The following KTN1 variants were observed in gnomAD, a reference collection of about 807,000 sequenced individuals.
KTN1 encodes kinectin 1, also known as kinectin.
A neutral mutation model predicts 222.5 loss-of-function variants in KTN1; 130 were observed. The observed-to-expected ratio is 0.58, with a 90% confidence interval of 0.51 to 0.68. The LOEUF (loss-of-function observed/expected upper bound fraction) is 0.68. Ranked by LOEUF, KTN1 falls within the 30% of genes least tolerant of loss-of-function variation. The pLI is 0.00. For synonymous variants in KTN1, 512 were observed against 496.3 expected, an observed-to-expected ratio of 1.03 and a Z score of -0.42; for missense variants, 1,508 against 1,500.4, an observed-to-expected ratio of 1.01 and a Z score of -0.08.
intron 40 of KTN1, 191 bp downstream of exon 40, chr14:55,673,446 T>C (rs780851158): frequency 5.0e-6 from 2 of 397,546 alleles, no homozygotes; most frequent in Non-Finnish European, 9.0e-6. Flanking sequence ...AAATGATCCT[T>C]CTTTTCTTAG....
intron 43 of KTN1, chr14:55,680,616 C>T (rs757020214): frequency 9.5e-6 from 8 of 838,598 alleles, no homozygotes; most frequent in Non-Finnish European, 1.3e-5. Flanking sequence ...TCAGGGAGAG[C>T]TTAGGTATCC....
intron 25 of KTN1, among the ~76,000 whole-genome samples, chr14:55,652,277 T>C (rs2042995331): frequency 6.6e-6 from 1 of 152,120 alleles, no homozygotes. Flanking sequence ...AACAAGGTGA[T>C]ACAGGGTAGA....
chr14:55,644,509 C>T (rs2042102847), intron 18 of KTN1: 1 of 626,194 alleles, frequency 1.6e-6, no homozygotes. Context: ...TGCAGATGGT[C>T]AGATAATGCA....
chr14:55,630,172 T>G, intron 7 of KTN1, 75 bp downstream of exon 7: 1 of 1,294,104 alleles, frequency 7.7e-7, no homozygotes. Flanking sequence ...GTGGCTAGTA[T>G]GTACAAGGCC....
Position 55,603,476 on chromosome 14 carries a change from C to T in KTN1, c.-30-8543C>T, listed in dbSNP as rs148966874. 2.6e-3 allele frequency among the ~76,000 whole-genome samples: 401 copies of T among 152,200 alleles called. 2 individuals carry two copies. The highest frequency in any genetic ancestry group is 9.0e-3 in the African/African-American group (375 of 41,516). On this transcript the variant is annotated intron_variant, in intron 1 of 43. Coordinates refer to ENST00000395314, the MANE Select transcript of KTN1 (RefSeq NM_001079521.2). ...CCAACCCCATTTGACAAAATTGGTC[C>T]GTCTCTCCTCCTTAATAGACTTTAT...
chr14:55,628,441 T>C (rs958891392), intron 6 of KTN1, among the ~76,000 whole-genome samples: 3 of 152,224 alleles, frequency 2.0e-5, no homozygotes, highest in African/African-American at 7.2e-5. Flanking sequence ...TATAATTTTT[T>C]GTCAAGTTCT....
chr14:55,642,321 A>G (rs1305004354), intron 18 of KTN1, among the ~76,000 whole-genome samples: 1 of 152,110 alleles, frequency 6.6e-6, no homozygotes, highest in Non-Finnish European at 1.5e-5. Context: ...TAGAGTATTT[A>G]TTTTATCCAT....
chr14:55,680,795 C>T, intron 43 of KTN1: 1 of 944,612 alleles, frequency 1.1e-6, no homozygotes. Context: ...CATTCTTCAA[C>T]ATATCAACAA....
At chr14:55,652,990 A>G (rs2043096719) in intron 26 of KTN1, 27 bp from the exon 27 acceptor site, 6 of 1,587,146 alleles carry the variant, frequency 3.8e-6, no homozygotes, top group Middle Eastern at 1.7e-4. Context: ...TTGACTATCA[A>G]TTTAATTTAC....
intron 5 of KTN1, among the ~76,000 whole-genome samples, chr14:55,623,306 G>A (rs2039392799): frequency 6.6e-6 from 1 of 152,264 alleles, no homozygotes; most frequent in African/African-American, 2.4e-5. Flanking sequence ...AAGGTAATCA[G>A]TAAATATGAT....
At chr14:55,628,575 C>T (rs1394578068) in intron 6 of KTN1, among the ~76,000 whole-genome samples, 1 of 152,028 alleles carries the variant, frequency 6.6e-6, no homozygotes, top group Non-Finnish European at 1.5e-5. Flanking sequence ...TTAATTATTC[C>T]TGAAGTGCTT....
chr14:55,585,344 C>A (rs1459702742), intron 1 of KTN1, among the ~76,000 whole-genome samples: 1 of 151,936 alleles, frequency 6.6e-6, no homozygotes, highest in Non-Finnish European at 1.5e-5. Flanking sequence ...ATGATTAGGA[C>A]CATTTGTTAG....
intron 1 of KTN1, chr14:55,607,232 T>C (rs936177614): frequency 6.6e-6 from 1 of 152,184 alleles, no homozygotes; most frequent in Non-Finnish European, 1.5e-5. Flanking sequence ...ATGTAAGTTA[T>C]AGGAGAGCGA....
intron 3 of KTN1, among the ~76,000 whole-genome samples, chr14:55,617,225 A>G (rs895279071): frequency 6.6e-6 from 1 of 152,222 alleles, no homozygotes; most frequent in Non-Finnish European, 1.5e-5. Flanking sequence ...TATTTGTTAA[A>G]ATTAAATGTT....
At chr14:55,606,020 C>T (rs568605458) in intron 1 of KTN1, among the ~76,000 whole-genome samples, 1 of 151,986 alleles carries the variant, frequency 6.6e-6, no homozygotes, top group African/African-American at 2.4e-5. Flanking sequence ...AAGAGTGTGG[C>T]ACGTTTGGAA....
At chr14:55,646,630 G>A (rs565296833) in intron 18 of KTN1, among the ~76,000 whole-genome samples, 1 of 149,076 alleles carries the variant, frequency 6.7e-6, no homozygotes, top group East Asian at 2.0e-4. Flanking sequence ...AGGTCTTAGA[G>A]TCTGGATTCT....
At chr14:55,680,369 G>GTT (rs540631095) in intron 43 of KTN1, 97 of 148,224 alleles carry the variant, frequency 6.5e-4, no homozygotes, top group African/African-American at 1.6e-3. Context: ...TGGTTGTAGG[G>GTT]TTTTTTTTTT....
rs191056778 is a variant in KTN1, at chr14:55,683,965, A to T, written c.4070-134A>T. The T allele has an allele frequency of 2.2e-4, 126 of 576,696 alleles. No individual in the cohort carries two copies. In the African/African-American group the frequency reaches 2.3e-3, roughly 10 times the overall value. 35.7% of individuals were successfully genotyped at this position (576,696 alleles called of 1,614,324 possible). A position where few individuals can be genotyped will look rare whatever the true frequency, so the allele number is the denominator to read the frequency against. On this transcript the variant is annotated intron_variant, in intron 43 of 43. Transcript: ENST00000395314. ...CTCAGTTTGATTACCATTAGTGTGA[A>T]TTGCTTTGAGTCTATTTGAAAGGGC...
chr14:55,601,599 A>C (rs1324913192), intron 1 of KTN1, among the ~76,000 whole-genome samples: 2 of 152,020 alleles, frequency 1.3e-5, no homozygotes, highest in African/African-American at 4.8e-5. Context: ...TTTCTCATTG[A>C]ATTTTTTGTT....
Sources: gnomAD v4.1 joint callset for allele counts (sites outside exome capture counted in the v4.1 genomes callset) on GRCh38, gnomAD v4.1.1 for gene constraint, MANE v1.5 for transcripts, NCBI Gene and HGNC (gene_info 2026-07-23, HGNC 2026-07-21) for gene names.